Variants in NSF observed in about 807,000 individuals in gnomAD.
The protein encoded by NSF is vesicle-fusing ATPase.
In NSF, 14 loss-of-function variants were observed where a neutral mutation model predicts 50.3. The ratio of observed to expected loss-of-function variants is 0.28; its 90% CI spans 0.18 to 0.44. The LOEUF (loss-of-function observed/expected upper bound fraction) is 0.44, where lower values mean the gene tolerates loss of function less well. Ranked by LOEUF, NSF falls within the 20% of genes least tolerant of loss-of-function variation. The pLI is 1.00. For missense variants in NSF, 218 were observed against 504.3 expected (o/e 0.43, Z 5.44); for synonymous variants, 109 against 175.7 (o/e 0.62, Z 3.00).
rs768375765 is a variant in NSF, at chr17:46,751,496, T to C, written c.2044-7T>C. 1 of 1,608,952 alleles carries C rather than the reference T, an allele frequency of 6.2e-7. No individual in the cohort carries two copies. Among genetic ancestry groups the C allele is most frequent in the Non-Finnish European group, 8.5e-7 (1 of 1,175,442 alleles). On this transcript the variant is annotated splice_region_variant and splice_polypyrimidine_tract_variant and intron_variant, in intron 18 of 20. Coordinates refer to ENST00000398238, the MANE Select transcript of NSF (RefSeq NM_006178.4). ...AGTGCTTTGATTATTGTTTATTGTT[T>C]TTGTAGCTTTTGGGCAACTTCAAGG...
At chr17:46,748,754 A>G (rs1304672104) in intron 17 of NSF, among the ~76,000 whole-genome samples, 1 of 152,204 alleles carries the variant, frequency 6.6e-6, no homozygotes, top group East Asian at 1.9e-4. Context: ...GTTTGAACAT[A>G]CTGAAAGGAG....
chr17:46,693,591 G>T (rs2058567548), intron 10 of NSF, among the ~76,000 whole-genome samples: 2 of 144,004 alleles, frequency 1.4e-5, no homozygotes, highest in Non-Finnish European at 3.0e-5. Flanking sequence ...AGGAACTTTG[G>T]AGTCAGAGAG....
At chr17:46,687,388 A>G (rs1260099509) in intron 9 of NSF, among the ~76,000 whole-genome samples, 3 of 151,398 alleles carry the variant, frequency 2.0e-5, no homozygotes, top group Non-Finnish European at 4.4e-5. Flanking sequence ...TTATCATGCT[A>G]GAAACAAACA....
At chr17:46,742,594 A>G (rs2059086056) in intron 17 of NSF, among the ~76,000 whole-genome samples, 1 of 152,124 alleles carries the variant, frequency 6.6e-6, no homozygotes, top group Admixed American at 6.6e-5. Flanking sequence ...TGCAGTTTTA[A>G]ATGGAGGTAT....
chr17:46,747,499 C>CA (rs2059142430), intron 17 of NSF, among the ~76,000 whole-genome samples: 1 of 152,124 alleles, frequency 6.6e-6, no homozygotes, highest in Admixed American at 6.5e-5. Flanking sequence ...AGACAAGTCT[C>CA]AAACTCCTGG....
intron 13 of NSF, among the ~76,000 whole-genome samples, chr17:46,707,527 A>G (rs2058668337): frequency 6.6e-6 from 1 of 152,120 alleles, no homozygotes; most frequent in African/African-American, 2.4e-5. Flanking sequence ...TACCCATTAA[A>G]TAATAACTCT....
intron 15 of NSF, among the ~76,000 whole-genome samples, chr17:46,725,368 G>A (rs2058877520): frequency 6.6e-6 from 1 of 152,102 alleles, no homozygotes; most frequent in Non-Finnish European, 1.5e-5. Flanking sequence ...ACAGAGTGTG[G>A]GAGGGTAATT....
Position 46,756,343 on chromosome 17 carries a change from AT to A in NSF, c.*522del, listed in dbSNP as rs1431381668. The A allele has an allele frequency of 6.6e-6, 1 of 152,398 alleles. No individual in the cohort carries two copies. The highest frequency in any genetic ancestry group is 1.5e-5 in the Non-Finnish European group (1 of 68,178). The allele number at this position is 152,398 out of a possible 1,614,324, so 9.4% of individuals were successfully genotyped here. A position where few individuals can be genotyped will look rare whatever the true frequency, so the allele number is the denominator to read the frequency against. ...GTTAAAGGTCTCCCACAAGACTGGT[AT>A]TCTCTTTGCCTGAAGAAACAAGGCA... On this transcript the variant is annotated 3_prime_UTR_variant, in exon 21 of 21. Transcript: ENST00000398238.
At chr17:46,737,893 T>A (rs1391411787) in intron 17 of NSF, among the ~76,000 whole-genome samples, 2 of 151,040 alleles carry the variant, frequency 1.3e-5, no homozygotes, top group African/African-American at 4.9e-5. Flanking sequence ...AGGATTTATG[T>A]ATGCTAAAAT....
At chr17:46,733,871 G>A (rs949553492) in intron 17 of NSF, among the ~76,000 whole-genome samples, 4 of 152,194 alleles carry the variant, frequency 2.6e-5, no homozygotes, top group African/African-American at 9.6e-5. Context: ...TGATGTTGTT[G>A]AGAATAGTAA....
At chr17:46,622,317 G>T (rs1186067429) in intron 1 of NSF, among the ~76,000 whole-genome samples, 1 of 148,494 alleles carries the variant, frequency 6.7e-6, no homozygotes, top group African/African-American at 2.5e-5. Context: ...AATTAGCCAG[G>T]CGTGGTGGTG....
At chr17:46,751,654 A>G in intron 19 of NSF, 38 bp downstream of exon 19, 1 of 1,360,032 alleles carries the variant, frequency 7.4e-7, no homozygotes, top group Non-Finnish European at 1.1e-6. Flanking sequence ...CAGACAGAAC[A>G]AAGCTTCAGG....
At chr17:46,734,393 T>C (rs547995030) in intron 17 of NSF, among the ~76,000 whole-genome samples, 2 of 151,952 alleles carry the variant, frequency 1.3e-5, no homozygotes, top group Admixed American at 1.3e-4. Context: ...ATTTCTTTTA[T>C]CTAAAAAAAA....
chr17:46,635,777 ATGTGTGTGTG>A lies in NSF; in HGVS notation c.239-1566_239-1557del, dbSNP rs148930686. Among the ~76,000 whole-genome samples, 80 of 116,796 alleles carry A rather than the reference ATGTGTGTGTG, an allele frequency of 6.8e-4. 3 individuals carry two copies. In the East Asian group the frequency reaches 0.01, roughly 15 times the overall value. 76.6% of individuals were successfully genotyped at this position (116,796 alleles called of 152,430 possible). On this transcript the variant is annotated intron_variant, in intron 4 of 20. Transcript: ENST00000398238. ...TTCAGGGAACCTAAAGGGAAAATAA[ATGTGTGTGTG>A]TGTGTGTGTGTGTGTGTGTGTGTGT...
At chr17:46,727,389 T>G (rs1205836283) in intron 16 of NSF, among the ~76,000 whole-genome samples, 4 of 152,146 alleles carry the variant, frequency 2.6e-5, no homozygotes, top group African/African-American at 7.2e-5. Flanking sequence ...GGTAATACAC[T>G]CTATTGAAAT....
At chr17:46,732,797 G>A (rs1040754256) in intron 17 of NSF, among the ~76,000 whole-genome samples, 4 of 152,132 alleles carry the variant, frequency 2.6e-5, no homozygotes, top group African/African-American at 9.7e-5. Context: ...AGAAGAGATC[G>A]AGAGGGGATA....
intron 19 of NSF, among the ~76,000 whole-genome samples, chr17:46,753,616 T>G (rs1354887576): frequency 6.6e-6 from 1 of 152,216 alleles, no homozygotes; most frequent in Non-Finnish European, 1.5e-5. Context: ...TAATTTTTTT[T>G]CAATAATTGC....
intron 4 of NSF, among the ~76,000 whole-genome samples, chr17:46,633,935 G>A (rs1185543994): frequency 1.5e-5 from 1 of 65,256 alleles, no homozygotes; most frequent in African/African-American, 9.0e-5. Flanking sequence ...GCAATGGTGC[G>A]ATCTTGGCTC....
At chr17:46,730,293 A>G (rs1054428099) in intron 17 of NSF, among the ~76,000 whole-genome samples, 1 of 152,162 alleles carries the variant, frequency 6.6e-6, no homozygotes, top group Non-Finnish European at 1.5e-5. Flanking sequence ...ATTTAAATTT[A>G]TCTCTTAAAA....
Sources: gnomAD v4.1 joint callset for allele counts (sites outside exome capture counted in the v4.1 genomes callset) on GRCh38, gnomAD v4.1.1 for gene constraint, MANE v1.5 for transcripts, NCBI Gene and HGNC (gene_info 2026-07-23, HGNC 2026-07-21) for gene names.